The following ERI3 variants were observed in gnomAD, a reference collection of about 807,000 sequenced individuals.
ERI3 encodes the protein ERI1 exoribonuclease 3.
Under a neutral mutation model 44.4 loss-of-function variants are expected in ERI3, and 18 were observed. That is an observed-to-expected ratio of 0.41 (90% confidence interval 0.28 to 0.60). The LOEUF (loss-of-function observed/expected upper bound fraction) is 0.60. Ranked by LOEUF, ERI3 falls within the 20% of genes least tolerant of loss-of-function variation. The pLI, the probability that ERI3 is intolerant of heterozygous loss-of-function variation, is 0.36. For synonymous variants in ERI3, 183 were observed against 164.8 expected (o/e 1.11, Z -0.84); for missense variants, 294 against 435.5 (o/e 0.68, Z 2.89).
At chr1:44,239,830 G>A (rs1462931913) in intron 8 of ERI3, among the ~76,000 whole-genome samples, 3 of 152,026 alleles carry the variant, frequency 2.0e-5, no homozygotes, top group African/African-American at 7.3e-5. Flanking sequence ...GCCGGCTGAA[G>A]GGAGGCTTTG....
At chr1:44,308,578 T>A (rs1201528567) in intron 5 of ERI3, among the ~76,000 whole-genome samples, 177 bp from the exon 6 acceptor site, 1 of 152,180 alleles carries the variant, frequency 6.6e-6, no homozygotes, top group Non-Finnish European at 1.5e-5. Flanking sequence ...CGGAGGCATT[T>A]GGAAGACAAA....
chr1:44,329,376 C>T (rs1387241534), intron 3 of ERI3, among the ~76,000 whole-genome samples: 1 of 152,194 alleles, frequency 6.6e-6, no homozygotes, highest in African/African-American at 2.4e-5. Context: ...TTCAGGTCTG[C>T]CCCCGACATT....
intron 6 of ERI3, among the ~76,000 whole-genome samples, chr1:44,294,536 T>C (rs940148657): frequency 3.9e-5 from 6 of 152,210 alleles, no homozygotes; most frequent in African/African-American, 1.4e-4. Context: ...ATAAGACAAG[T>C]GCCTCTCCGG....
intron 6 of ERI3, among the ~76,000 whole-genome samples, chr1:44,298,458 T>C (rs1477569954): frequency 3.9e-5 from 6 of 152,126 alleles, no homozygotes; most frequent in Non-Finnish European, 8.8e-5. Context: ...TCAGCAAACA[T>C]ATACTAAATA....
intron 2 of ERI3, among the ~76,000 whole-genome samples, chr1:44,342,858 T>TAAATATATATA (rs1408660607): frequency 8.8e-5 from 1 of 11,368 alleles, no homozygotes; most frequent in East Asian, 4.2e-3. Flanking sequence ...TATATATATA[T>TAAATATATATA]TTTTTTTTTT....
In ERI3 at chr1:44,221,446, ACT is replaced by A. The variant is rs1395734117; in HGVS notation, c.*110_*111del. On this transcript the variant is annotated 3_prime_UTR_variant, in exon 9 of 9. Coordinates refer to ENST00000372257, the MANE Select transcript of ERI3 (RefSeq NM_024066.3). The surrounding 1 kb of genome is among the most constrained non-coding windows in gnomAD (Gnocchi z 5.9). ...ATGAGCCCACAGGGCAGCTGGGGAC[ACT>A]CTGGACACAGAGCTATGCCACTCTC... 3.3e-6 allele frequency: 3 copies of A among 902,830 alleles called. No homozygotes were observed. In the East Asian group the frequency reaches 7.5e-5, roughly 23 times the overall value. The allele number at this position is 902,830 out of a possible 1,614,324, so 55.9% of individuals were successfully genotyped here.
intron 8 of ERI3, among the ~76,000 whole-genome samples, chr1:44,227,952 C>G (rs1644084570): frequency 6.6e-6 from 1 of 152,166 alleles, no homozygotes; most frequent in Non-Finnish European, 1.5e-5. Context: ...GTGCTTAAAA[C>G]AGTAGCTCGG....
chr1:44,222,364 G>A (rs1437082833), intron 8 of ERI3, among the ~76,000 whole-genome samples: 1 of 152,218 alleles, frequency 6.6e-6, no homozygotes, highest in Non-Finnish European at 1.5e-5. Context: ...TGTATACATC[G>A]GCGGAAGCCC....
chr1:44,242,414 C>T lies in ERI3; in HGVS notation c.931+5525G>A, dbSNP rs554205881. Among the ~76,000 whole-genome samples the T allele has an allele frequency of 4.9e-4, 75 of 152,346 alleles. 1 individual carries two copies. Among genetic ancestry groups the T allele is most frequent in the Non-Finnish European group, 8.5e-4 (58 of 68,024 alleles). ...AGGCTCTCTAGTTGAGCCAGAAAGTCCCACATCCTATCAGATCTAAATGCT... is the reference window on the plus strand; with the variant it reads ...AGGCTCTCTAGTTGAGCCAGAAAGTTCCACATCCTATCAGATCTAAATGCT... On this transcript the variant is annotated intron_variant, in intron 8 of 8. Coordinates refer to ENST00000372257, the MANE Select transcript of ERI3 (RefSeq NM_024066.3).
intron 2 of ERI3, among the ~76,000 whole-genome samples, chr1:44,342,830 T>TATAAAA (rs1553201373): frequency 1.1e-4 from 3 of 27,874 alleles, no homozygotes; most frequent in Non-Finnish European, 1.9e-4. Flanking sequence ...TATATATATA[T>TATAAAA]ATATATATAT....
At chr1:44,324,145 C>T (rs1306750898) in intron 3 of ERI3, among the ~76,000 whole-genome samples, 2 of 152,218 alleles carry the variant, frequency 1.3e-5, no homozygotes, top group African/African-American at 2.4e-5. Context: ...TGCTGGCACA[C>T]AGGCTTCACT....
intron 8 of ERI3, among the ~76,000 whole-genome samples, chr1:44,242,814 C>T (rs1644468442): frequency 2.0e-5 from 3 of 152,108 alleles, no homozygotes; most frequent in South Asian, 2.1e-4. Context: ...CAGAGGGACC[C>T]GGGAAACTTC....
intron 7 of ERI3, among the ~76,000 whole-genome samples, chr1:44,269,873 C>T (rs1396978788): frequency 6.6e-6 from 1 of 152,188 alleles, no homozygotes; most frequent in Non-Finnish European, 1.5e-5. Context: ...GGACAATAGC[C>T]CTCACAGCCC....
rs140871082 is a variant in ERI3, at chr1:44,325,163, C to T, written c.490-5419G>A. On this transcript the variant is annotated intron_variant, in intron 3 of 8. Transcript: ENST00000372257. ...ACAATCTCCGGCTCAATGTAACCTC[C>T]GCCTCCCGGGTTCAAGCAATTCTCC... 8.2e-3 allele frequency among the ~76,000 whole-genome samples: 1,231 copies of T among 150,972 alleles called. 19 individuals carry two copies. Among genetic ancestry groups the T allele is most frequent in the African/African-American group, 0.028 (1,137 of 41,004 alleles).
chr1:44,248,629 G>A (rs926992105), intron 7 of ERI3, among the ~76,000 whole-genome samples: 1 of 152,008 alleles, frequency 6.6e-6, no homozygotes, highest in Non-Finnish European at 1.5e-5. Flanking sequence ...GAGGAGTAAG[G>A]TCACTTGGTC....
At chr1:44,308,254 G>T in intron 6 of ERI3, 56 bp downstream of exon 6, 1 of 1,309,250 alleles carries the variant, frequency 7.6e-7, no homozygotes, top group South Asian at 1.2e-5. Context: ...CAAAAGGCCA[G>T]ACCTGGTCCC....
At chr1:44,265,169 G>C (rs1182410103) in intron 7 of ERI3, among the ~76,000 whole-genome samples, 1 of 152,218 alleles carries the variant, frequency 6.6e-6, no homozygotes, top group Non-Finnish European at 1.5e-5. Flanking sequence ...AGTGGAGTCA[G>C]TGTTGAGTCT....
At chr1:44,338,555 C>T (rs751463272) in intron 3 of ERI3, among the ~76,000 whole-genome samples, 2 of 152,196 alleles carry the variant, frequency 1.3e-5, no homozygotes, top group Non-Finnish European at 2.9e-5. Flanking sequence ...AAGTGGACTG[C>T]AATACTTTTT....
chr1:44,260,390 A>G (rs1307885726), intron 7 of ERI3, among the ~76,000 whole-genome samples: 1 of 152,216 alleles, frequency 6.6e-6, no homozygotes, highest in Non-Finnish European at 1.5e-5. Flanking sequence ...CTGCGGATTG[A>G]GCAGGGGCAG....
Sources: allele counts gnomAD v4.1 joint callset (sites outside exome capture counted in the v4.1 genomes callset), GRCh38; gene constraint gnomAD v4.1.1; non-coding constraint Gnocchi (gnomAD v3.1); transcripts MANE v1.5; gene names NCBI Gene and HGNC (gene_info 2026-07-23, HGNC 2026-07-21).